BCAS3: variants seen among roughly 807,000 people sequenced by gnomAD.
BCAS3 encodes the protein BCAS4/BCAS3 fusion.
In BCAS3, 53 loss-of-function variants were observed where a neutral mutation model predicts 116.1. That is an observed-to-expected ratio of 0.46 (90% CI 0.37 to 0.57). BCAS3 has a LOEUF of 0.57. BCAS3 is among the 20% of genes least tolerant of loss of function. The pLI, the probability that BCAS3 is intolerant of heterozygous loss-of-function variation, is 0.00. For synonymous variants in BCAS3, 391 were observed against 408.2 expected (o/e 0.96, Z 0.51); for missense variants, 917 against 1,165.4 (o/e 0.79, Z 3.10).
chr17:61,290,234 C>T (rs1372731209), intron 22 of BCAS3, among the ~76,000 whole-genome samples: 2 of 152,190 alleles, frequency 1.3e-5, no homozygotes, highest in African/African-American at 2.4e-5. Context: ...CATATTTTGG[C>T]TCAAAACGTC....
Position 61,380,228 on chromosome 17 carries a change from T to C in BCAS3, c.2593+11734T>C. The C allele has an allele frequency of 2.3e-6, 1 of 439,064 alleles. No homozygotes were observed. Among genetic ancestry groups the C allele is most frequent in the East Asian group, 4.1e-5 (1 of 24,262 alleles). The allele number at this position is 439,064 out of a possible 1,614,324, so 27.2% of individuals were successfully genotyped here. A position where few individuals can be genotyped will look rare whatever the true frequency, so the allele number is the denominator to read the frequency against. On this transcript the variant is annotated intron_variant, in intron 23 of 23. Transcript: ENST00000407086. The surrounding 1 kb of genome is among the most constrained non-coding windows in gnomAD (Gnocchi z 4.2). ...GATGCCGGCTTTCTCTCTACATCATTCCCTACCCCAGCCCTGTGCAGCAGG... is the reference window on the plus strand; with the variant it reads ...GATGCCGGCTTTCTCTCTACATCATCCCCTACCCCAGCCCTGTGCAGCAGG...
At chr17:61,038,683 T>TG (rs1568188365) in intron 18 of BCAS3, among the ~76,000 whole-genome samples, 3 of 147,512 alleles carry the variant, frequency 2.0e-5, no homozygotes, top group African/African-American at 7.4e-5. Context: ...TTTTTTTTTT[T>TG]TTTTGGAGAC....
chr17:60,749,401 T>A (rs2042262660), intron 6 of BCAS3, among the ~76,000 whole-genome samples: 1 of 152,240 alleles, frequency 6.6e-6, no homozygotes, highest in Admixed American at 6.5e-5. Context: ...GTTCCCAATG[T>A]TCTGAGACTT....
At chr17:61,080,033 T>A (rs551803390) in intron 21 of BCAS3, among the ~76,000 whole-genome samples, 1 of 151,888 alleles carries the variant, frequency 6.6e-6, no homozygotes, top group East Asian at 1.9e-4. Context: ...ACCTCCTGAG[T>A]AGCTAGTATT....
Position 61,266,665 on chromosome 17 carries a change from A to C in BCAS3, c.2426-101662A>C, listed in dbSNP as rs765044104. Among the ~76,000 whole-genome samples, 6 of 152,324 alleles carry C rather than the reference A, an allele frequency of 3.9e-5. No homozygotes were observed. In the South Asian group the frequency reaches 1.0e-3, roughly 26 times the overall value. ...TTTTCCAAAACTGACATATTTAGGA[A>C]ATCTTTAAAAATATCTAATTGCCAC... is the stretch of plus-strand genomic sequence containing the variant. On this transcript the variant is annotated intron_variant, in intron 22 of 23. Transcript: ENST00000407086.
intron 8 of BCAS3, among the ~76,000 whole-genome samples, chr17:60,870,327 T>A (rs1419408826): frequency 1.3e-5 from 2 of 151,998 alleles, no homozygotes; most frequent in East Asian, 3.9e-4. Flanking sequence ...GAGACTATGG[T>A]GGGAATTTAT....
intron 22 of BCAS3, among the ~76,000 whole-genome samples, chr17:61,238,999 G>C (rs1031888340): frequency 9.9e-5 from 15 of 152,136 alleles, no homozygotes; most frequent in South Asian, 2.1e-4. Flanking sequence ...CAAAATGCTT[G>C]GGTACCTAAG....
rs375912559 is a variant in BCAS3 at position 60,911,632 on chromosome 17, G to A, written c.993+930G>A. ...GTATTTTTGGTAGAGACGCGGTTTC[G>A]CCGTGTTGGCCTGGCTGGTCTTGAA... is the stretch of plus-strand genomic sequence containing the variant. On this transcript the variant is annotated intron_variant, in intron 12 of 23. Transcript: ENST00000407086. Among the ~76,000 whole-genome samples the A allele has an allele frequency of 4.0e-5, 6 of 151,394 alleles. No homozygotes were observed. The East Asian group carries it at 1.2e-3, about 29-fold the overall frequency.
chr17:61,096,146 CAT>C (rs1308154265), intron 22 of BCAS3, among the ~76,000 whole-genome samples: 2 of 152,136 alleles, frequency 1.3e-5, no homozygotes, highest in Non-Finnish European at 2.9e-5. Context: ...ACAGGCAAAA[CAT>C]AAACTTTTAT....
chr17:61,152,484 T>TC (rs1299201204), intron 22 of BCAS3, among the ~76,000 whole-genome samples: 1 of 152,108 alleles, frequency 6.6e-6, no homozygotes, highest in Non-Finnish European at 1.5e-5. Flanking sequence ...ACCCAGGAAG[T>TC]CCAGATGGCT....
intron 5 of BCAS3, among the ~76,000 whole-genome samples, chr17:60,728,775 G>A (rs1422907167): frequency 4.6e-5 from 7 of 152,202 alleles, no homozygotes; most frequent in East Asian, 1.9e-4. Context: ...CACCACACCC[G>A]ATAATATCTT....
At chr17:61,267,634 GCACACATCACCTTGAATCCAGC>G (rs2049855332) in intron 22 of BCAS3, among the ~76,000 whole-genome samples, 1 of 147,612 alleles carries the variant, frequency 6.8e-6, no homozygotes, top group East Asian at 2.1e-4. Context: ...TGGATTACAG[GCACACATCACCTTGAATCCAGC>G]AGGCAGAATG....
In BCAS3 at chr17:61,355,574, T is replaced by G. The variant is rs1460560814; in HGVS notation, c.2426-12753T>G. On this transcript the variant is annotated intron_variant, in intron 22 of 23. Transcript: ENST00000407086. The surrounding 1 kb of genome is among the most constrained non-coding windows in gnomAD (Gnocchi z 4.2). ...CTAATCCTGACTGTACCCTTGACCT[T>G]GTCATCTTAAGCAACAATCTTACTT... Among the ~76,000 whole-genome samples, 1 of 152,228 alleles carries G rather than the reference T, an allele frequency of 6.6e-6. No individual in the cohort carries two copies. Among genetic ancestry groups the G allele is most frequent in the Admixed American group, 6.5e-5 (1 of 15,286 alleles).
Position 61,104,360 on chromosome 17 carries a change from CTT to C in BCAS3, c.2425+19800_2425+19801del, listed in dbSNP as rs2074511118. On this transcript the variant is annotated intron_variant, in intron 22 of 23. Transcript: ENST00000407086. The surrounding 1 kb of genome is among the most constrained non-coding windows in gnomAD (Gnocchi z 4.1). ...TTTTTAAAAAAAGTTTTTCATATAACTTTTTCATCTTGTATAACTGAATAAAG... is the reference window on the plus strand; with the variant it reads ...TTTTTAAAAAAAGTTTTTCATATAACTTTCATCTTGTATAACTGAATAAAG... Among the ~76,000 whole-genome samples the C allele has an allele frequency of 1.3e-5, 2 of 152,046 alleles. No individual in the cohort carries two copies. Among genetic ancestry groups the C allele is most frequent in the African/African-American group, 4.8e-5 (2 of 41,386 alleles).
In BCAS3 at chr17:61,205,534, C is replaced by T. The variant is rs2081069618; in HGVS notation, c.2425+120970C>T. Among the ~76,000 whole-genome samples, 1 of 152,188 alleles carries T rather than the reference C, an allele frequency of 6.6e-6. No homozygotes were observed. The highest frequency in any genetic ancestry group is 1.5e-5 in the Non-Finnish European group (1 of 68,032). On this transcript the variant is annotated intron_variant, in intron 22 of 23. Coordinates refer to ENST00000407086, the MANE Select transcript of BCAS3 (RefSeq NM_017679.5). The surrounding 1 kb of genome is among the most constrained non-coding windows in gnomAD (Gnocchi z 5.2). ...GGAACTATTGCAGACTTCCAGGACT[C>T]AAGACAGTCTCCTCAGCCATAATGT...
At position 61,188,618 on chromosome 17, in the gene BCAS3, T is replaced by G. The variant is rs1029390468; in HGVS notation, c.2425+104054T>G. On this transcript the variant is annotated intron_variant, in intron 22 of 23. Transcript: ENST00000407086. This position sits in a 1 kb window ranked among gnomAD's most constrained non-coding sequence, Gnocchi z 4.0. ...CTTAGCAGTAGGTCTTAGCTTGTGC[T>G]AAGCATATAGAGTCCACTGTGGATG... is the stretch of plus-strand genomic sequence containing the variant. 2.6e-5 allele frequency among the ~76,000 whole-genome samples: 4 copies of G among 152,276 alleles called. No homozygotes were observed. Among genetic ancestry groups the G allele is most frequent in the African/African-American group, 9.6e-5 (4 of 41,478 alleles).
At position 61,205,094 on chromosome 17, in the gene BCAS3, C is replaced by T. The variant is rs1363017587; in HGVS notation, c.2425+120530C>T. Among the ~76,000 whole-genome samples, 1 of 151,892 alleles carries T rather than the reference C, an allele frequency of 6.6e-6. No individual in the cohort carries two copies. The highest frequency in any genetic ancestry group is 2.4e-5 in the African/African-American group (1 of 41,324). ...GGCCGATTCCATCTGCAATCAAAAG[C>T]TAACTTTTGGTCCACACTAAGTAAG... On this transcript the variant is annotated intron_variant, in intron 22 of 23. Coordinates refer to ENST00000407086, the MANE Select transcript of BCAS3 (RefSeq NM_017679.5). This position sits in a 1 kb window ranked among gnomAD's most constrained non-coding sequence, Gnocchi z 5.2.
chr17:60,705,123 A>C (rs2143969698), intron 4 of BCAS3, among the ~76,000 whole-genome samples: 2 of 152,262 alleles, frequency 1.3e-5, no homozygotes, highest in South Asian at 4.1e-4. Flanking sequence ...TACAGAAATA[A>C]CCATGAAAGT....
chr17:61,253,211 C>A (rs1433616977), intron 22 of BCAS3, among the ~76,000 whole-genome samples: 1 of 151,326 alleles, frequency 6.6e-6, no homozygotes, highest in Non-Finnish European at 1.5e-5. Context: ...ACTTGCCTAA[C>A]TGTTCTATGT....
Sources: allele counts gnomAD v4.1 joint callset (sites outside exome capture counted in the v4.1 genomes callset), GRCh38; gene constraint gnomAD v4.1.1; non-coding constraint Gnocchi (gnomAD v3.1); transcripts MANE v1.5; gene names NCBI Gene and HGNC (gene_info 2026-07-23, HGNC 2026-07-21).